The following TPTE2 variants were observed in gnomAD, a reference collection of about 807,000 sequenced individuals.
TPTE2 encodes transmembrane phosphoinositide 3-phosphatase and tensin homolog 2.
A neutral mutation model predicts 78.6 loss-of-function variants in TPTE2; 53 were observed. That is an observed-to-expected ratio of 0.67 (90% CI 0.54 to 0.85). TPTE2 has a LOEUF of 0.85. Among genes scored for constraint, TPTE2 ranks in the 40% least tolerant of loss-of-function variants. The pLI is 0.00. For synonymous variants in TPTE2, 175 were observed against 206.2 expected (o/e 0.85, Z 1.30); for missense variants, 461 against 623.0 (o/e 0.74, Z 2.77).
intron 18 of TPTE2, 69 bp from the exon 22 acceptor site, chr13:19,425,086 C>T: frequency 1.3e-6 from 1 of 758,108 alleles, no homozygotes; most frequent in South Asian, 1.8e-5. Flanking sequence ...AATTAAAGTT[C>T]CTTTCTTTAT....
intron 1 of TPTE2, among the ~76,000 whole-genome samples, chr13:19,534,110 A>G (rs1400372666): frequency 6.6e-6 from 1 of 152,226 alleles, no homozygotes; most frequent in East Asian, 1.9e-4. Context: ...ACTGAACATC[A>G]GAGCTTAGCC....
At chr13:19,549,621 C>A in the TPTE2 span, among the ~76,000 whole-genome samples, 1 of 106,832 alleles carries the variant, frequency 9.4e-6, no homozygotes, top group South Asian at 3.7e-4. Flanking sequence ...TAAAACAGGA[C>A]TACCATTCGA....
At chr13:19,538,011 T>C (rs905379795), upstream of TPTE2, among the ~76,000 whole-genome samples, 19 of 152,230 alleles carry the variant, frequency 1.2e-4, no homozygotes, top group African/African-American at 4.6e-4. Context: ...CAGAAGTTCT[T>C]TATATTTTCT....
chr13:19,559,428 T>C, the TPTE2 span, among the ~76,000 whole-genome samples: 1 of 151,716 alleles, frequency 6.6e-6, no homozygotes, highest in African/African-American at 2.4e-5. Context: ...CTGCAGGGCA[T>C]AGAGGCAGTG....
upstream of TPTE2, among the ~76,000 whole-genome samples, chr13:19,540,006 T>C (rs1871393713): frequency 6.6e-6 from 1 of 151,844 alleles, no homozygotes; most frequent in East Asian, 1.9e-4. Context: ...TAGCCAGGTG[T>C]GGGGGCGAGT....
chr13:19,497,742 C>T (rs1259625540), intron 1 of TPTE2, among the ~76,000 whole-genome samples: 5 of 151,552 alleles, frequency 3.3e-5, no homozygotes, highest in Non-Finnish European at 7.4e-5. Flanking sequence ...AAGCAGAGCG[C>T]CTCTCCTCCT....
At chr13:19,531,853 G>A (rs1870897471) in intron 1 of TPTE2, among the ~76,000 whole-genome samples, 1 of 152,124 alleles carries the variant, frequency 6.6e-6, no homozygotes, top group Non-Finnish European at 1.5e-5. Context: ...CTTGAACCTG[G>A]GAGGCAGAGG....
rs1345361057 is a variant in TPTE2 at position 19,486,196 on chromosome 13, T to C, written c.120-3649A>G. Among the ~76,000 whole-genome samples the C allele has an allele frequency of 6.6e-6, 1 of 152,224 alleles. No individual in the cohort carries two copies. The highest frequency in any genetic ancestry group is 1.5e-5 in the Non-Finnish European group (1 of 68,040). ...TTTATTTCTATGAATAGGTCTCGGATGTCAGTTCATTGGGGTATACTGGCC... is the reference window on the plus strand; with the variant it reads ...TTTATTTCTATGAATAGGTCTCGGACGTCAGTTCATTGGGGTATACTGGCC... On this transcript the variant is annotated intron_variant, in intron 3 of 19. Coordinates refer to ENST00000400230, the Ensembl canonical transcript of TPTE2. This position sits in a 1 kb window ranked among gnomAD's most constrained non-coding sequence, Gnocchi z 4.3.
chr13:19,429,259 A>C (rs1446727861), intron 17 of TPTE2, among the ~76,000 whole-genome samples: 1 of 152,230 alleles, frequency 6.6e-6, no homozygotes, highest in Non-Finnish European at 1.5e-5. Context: ...GCAGAAATCT[A>C]CGCTGAGCAA....
intron 1 of TPTE2, among the ~76,000 whole-genome samples, chr13:19,513,265 G>C (rs1367408018): frequency 2.6e-5 from 4 of 152,192 alleles, no homozygotes; most frequent in Non-Finnish European, 5.9e-5. Context: ...ACATGGAGTG[G>C]TGATATGACC....
At chr13:19,444,977 A>C (rs1050370900) in intron 13 of TPTE2, among the ~76,000 whole-genome samples, 2 of 152,208 alleles carry the variant, frequency 1.3e-5, no homozygotes, top group Non-Finnish European at 1.5e-5. Flanking sequence ...CACATAAATC[A>C]AGTTTAAAAG....
chr13:19,502,704 T>C (rs1292348216), intron 1 of TPTE2, among the ~76,000 whole-genome samples: 2 of 151,538 alleles, frequency 1.3e-5, no homozygotes, highest in Non-Finnish European at 2.9e-5. Flanking sequence ...TGCTAGATGA[T>C]GAGTTAGTGG....
chr13:19,526,822 A>T (rs937817531), intron 1 of TPTE2, among the ~76,000 whole-genome samples: 1 of 152,202 alleles, frequency 6.6e-6, no homozygotes, highest in Non-Finnish European at 1.5e-5. Flanking sequence ...TCATGAACCA[A>T]CTGAATTATA....
intron 3 of TPTE2, among the ~76,000 whole-genome samples, chr13:19,488,519 A>G (rs1880791829): frequency 6.6e-6 from 1 of 152,260 alleles, no homozygotes; most frequent in African/African-American, 2.4e-5. Context: ...CTGCTTCTGC[A>G]TCAGCACTTG....
At chr13:19,451,026 A>G (rs1308920152) in intron 11 of TPTE2, 139 bp downstream of exon 14, 1 of 1,062,158 alleles carries the variant, frequency 9.4e-7, no homozygotes, top group Admixed American at 2.5e-5. Context: ...GGGCCAGTCC[A>G]AGATGGGGAT....
chr13:19,453,274 C>T (rs1878310735), intron 10 of TPTE2, among the ~76,000 whole-genome samples: 1 of 151,736 alleles, frequency 6.6e-6, no homozygotes, highest in Non-Finnish European at 1.5e-5. Flanking sequence ...GGTGATCCAC[C>T]CTCCTCGGCC....
At chr13:19,461,973 T>A (rs1258259257) in intron 10 of TPTE2, among the ~76,000 whole-genome samples, 2 of 150,010 alleles carry the variant, frequency 1.3e-5, no homozygotes, top group African/African-American at 4.9e-5. Context: ...CAACTCTATA[T>A]CTTTTAATTG....
At position 19,518,054 on chromosome 13, in the gene TPTE2, G is replaced by T. The variant is rs1282963437; in HGVS notation, c.-43-14777C>A. ...ACCAGAGGGCTCAGTTATCCTCTCT[G>T]AATAACTATGTTTGTTTAATGTTTA... On this transcript the variant is annotated intron_variant, in intron 1 of 17. Coordinates refer to the TPTE2 transcript ENST00000390680. Among the ~76,000 whole-genome samples, 3 of 152,212 alleles carry T rather than the reference G, an allele frequency of 2.0e-5. No individual in the cohort carries two copies. In the East Asian group the frequency reaches 5.8e-4, roughly 29 times the overall value.
chr13:19,540,314 T>A (rs917799908), upstream of TPTE2, among the ~76,000 whole-genome samples: 1 of 61,558 alleles, frequency 1.6e-5, no homozygotes. Context: ...TATTATGGTT[T>A]TTTTTAAGAC....
Sources: allele counts gnomAD v4.1 joint callset (sites outside exome capture counted in the v4.1 genomes callset), GRCh38; gene constraint gnomAD v4.1.1; non-coding constraint Gnocchi (gnomAD v3.1); transcripts MANE v1.5; gene names NCBI Gene and HGNC (gene_info 2026-07-23, HGNC 2026-07-21).